R3HDM1: variants seen among roughly 807,000 people sequenced by gnomAD.
The protein encoded by R3HDM1 is R3H domain containing 1, also known as R3H domain-containing protein 1.
A neutral mutation model predicts 141.1 loss-of-function variants in R3HDM1; 46 were observed. The observed-to-expected ratio is 0.33, with a 90% CI of 0.26 to 0.42. R3HDM1 has a LOEUF of 0.42. Ranked by LOEUF, R3HDM1 falls within the 10% of genes least tolerant of loss-of-function variation. The pLI, the probability that R3HDM1 is intolerant of heterozygous loss-of-function variation, is 1.00. For synonymous variants in R3HDM1, 435 were observed against 472.9 expected, an observed-to-expected ratio of 0.92 and a Z score of 1.04; for missense variants, 1,184 against 1,368.3, an observed-to-expected ratio of 0.87 and a Z score of 2.12.
chr2:135,552,776 A>C (rs978635013), intron 1 of R3HDM1, among the ~76,000 whole-genome samples: 3 of 152,214 alleles, frequency 2.0e-5, no homozygotes, highest in African/African-American at 7.2e-5. Flanking sequence ...GAGTTGTTAG[A>C]AATTTGTAAT....
intron 14 of R3HDM1, 127 bp from the exon 15 acceptor site, chr2:135,641,409 T>G (rs2063780688): frequency 8.9e-7 from 1 of 1,124,994 alleles, no homozygotes. Flanking sequence ...GACAGTAAAT[T>G]AAAAAGAGCC....
intron 19 of R3HDM1, among the ~76,000 whole-genome samples, chr2:135,663,392 A>G (rs2067019477): frequency 6.6e-6 from 1 of 152,236 alleles, no homozygotes; most frequent in Non-Finnish European, 1.5e-5. Flanking sequence ...CTTATGAGTC[A>G]GTCATAATAT....
chr2:135,684,070 C>G (rs1413905801), intron 21 of R3HDM1, among the ~76,000 whole-genome samples: 1 of 151,600 alleles, frequency 6.6e-6, no homozygotes. Context: ...GAACATATTT[C>G]TTTTGTTTTG....
At chr2:135,692,075 G>C (rs1398014469) in intron 21 of R3HDM1, among the ~76,000 whole-genome samples, 1 of 151,930 alleles carries the variant, frequency 6.6e-6, no homozygotes, top group African/African-American at 2.4e-5. Context: ...ACCACACCTG[G>C]CTAATTTTTG....
At chr2:135,694,766 C>A (rs1362424541) in intron 21 of R3HDM1, among the ~76,000 whole-genome samples, 1 of 152,128 alleles carries the variant, frequency 6.6e-6, no homozygotes, top group Non-Finnish European at 1.5e-5. Context: ...GAGAAGAGAG[C>A]TCTAGAGATC....
Position 135,657,201 on chromosome 2 carries a change from G to A in R3HDM1, c.2029-4069G>A, listed in dbSNP as rs2066021541. 4.0e-5 allele frequency among the ~76,000 whole-genome samples: 6 copies of A among 148,324 alleles called. No individual in the cohort carries two copies. In the South Asian group the frequency reaches 6.5e-4, roughly 16 times the overall value. ...ACGGATCACTTGAGGTCAGGAGTTC[G>A]AAACCAGCCTGGCCAACATGGTGAA... On this transcript the variant is annotated intron_variant, in intron 18 of 26. Coordinates refer to ENST00000683871, the MANE Select transcript of R3HDM1 (RefSeq NM_001378107.1).
At chr2:135,699,442 C>T (rs1366495076) in intron 21 of R3HDM1, among the ~76,000 whole-genome samples, 3 of 152,100 alleles carry the variant, frequency 2.0e-5, no homozygotes, top group African/African-American at 7.2e-5. Context: ...AGAGCCACCA[C>T]AAAAATGGAA....
At chr2:135,627,623 A>T (rs1252523799) in intron 7 of R3HDM1, among the ~76,000 whole-genome samples, 2 of 152,114 alleles carry the variant, frequency 1.3e-5, no homozygotes, top group East Asian at 3.8e-4. Context: ...GATGGTACAG[A>T]TAACTTATAT....
In R3HDM1 at chr2:135,724,470, C is replaced by G; in HGVS notation, c.*178C>G. 1 of 541,258 alleles carries G rather than the reference C, an allele frequency of 1.8e-6. No homozygotes were observed. The highest frequency in any genetic ancestry group is 3.2e-6 in the Non-Finnish European group (1 of 309,082). The allele number at this position is 541,258 out of a possible 1,614,324, so 33.5% of individuals were successfully genotyped here. On this transcript the variant is annotated 3_prime_UTR_variant, in exon 27 of 27. Transcript: ENST00000683871. ...AAGGGGGAAAAATATGCATTTCACC[C>G]CACATGACTAGGAATCCACATCAGA... is the stretch of plus-strand genomic sequence containing the variant.
intron 24 of R3HDM1, among the ~76,000 whole-genome samples, chr2:135,717,737 A>G (rs146402688): frequency 2.0e-5 from 3 of 152,368 alleles, no homozygotes; most frequent in Admixed American, 2.0e-4. Context: ...ATTCTCACAC[A>G]TTGGCGGTAA....
intron 7 of R3HDM1, among the ~76,000 whole-genome samples, chr2:135,629,243 G>A (rs2062386660): frequency 6.6e-6 from 1 of 152,102 alleles, no homozygotes; most frequent in Admixed American, 6.5e-5. Context: ...TTGAACCCGG[G>A]AGGCAGAGGT....
chr2:135,540,820 C>T (rs1455683962), intron 1 of R3HDM1, among the ~76,000 whole-genome samples: 1 of 152,096 alleles, frequency 6.6e-6, no homozygotes, highest in East Asian at 1.9e-4. Flanking sequence ...GGCCATGTAG[C>T]CTTACAAAGT....
chr2:135,549,561 C>CAAAAAAAA (rs1236257586), intron 1 of R3HDM1, among the ~76,000 whole-genome samples: 19 of 67,362 alleles, frequency 2.8e-4, no homozygotes, highest in African/African-American at 8.6e-4. Context: ...AACTCTGCCT[C>CAAAAAAAA]AAAAAAAAAA....
chr2:135,569,521 A>G (rs1285517230), intron 1 of R3HDM1, among the ~76,000 whole-genome samples: 2 of 152,028 alleles, frequency 1.3e-5, no homozygotes, highest in African/African-American at 4.8e-5. Context: ...AATAGGTAGT[A>G]TATCAAAGTA....
intron 17 of R3HDM1, chr2:135,650,760 G>C (rs2065066605): frequency 1.0e-6 from 1 of 982,652 alleles, no homozygotes; most frequent in Non-Finnish European, 1.2e-6. Context: ...TCTCCTTTCA[G>C]TCCTTTATCT....
In R3HDM1 at chr2:135,616,838, T is replaced by C. The variant is rs888064215; in HGVS notation, c.303+81T>C. 5.7e-6 allele frequency: 7 copies of C among 1,222,782 alleles called. No individual in the cohort carries two copies. The Admixed American group carries it at 1.1e-4, about 19-fold the overall frequency. 75.7% of individuals were successfully genotyped at this position (1,222,782 alleles called of 1,614,324 possible). On this transcript the variant is annotated intron_variant, in intron 5 of 26. Coordinates refer to ENST00000683871, the MANE Select transcript of R3HDM1 (RefSeq NM_001378107.1). ...TATATGATTTAAGTTGTGTTTGTTA[T>C]ATTTGTTTTATTTTGACTAAATGAA...
chr2:135,624,031 C>T (rs1007599956), intron 7 of R3HDM1, among the ~76,000 whole-genome samples: 1 of 152,026 alleles, frequency 6.6e-6, no homozygotes, highest in African/African-American at 2.4e-5. Flanking sequence ...TAGAGGATTG[C>T]CAAGGCATAG....
At chr2:135,650,053 G>A (rs777905654) in intron 17 of R3HDM1, 50 bp downstream of exon 17, 3 of 1,170,586 alleles carry the variant, frequency 2.6e-6, no homozygotes, top group South Asian at 3.5e-5. Flanking sequence ...GTGGATGTGT[G>A]ATGAATGCTC....
intron 21 of R3HDM1, among the ~76,000 whole-genome samples, chr2:135,684,461 C>A (rs1027137552): frequency 6.6e-6 from 1 of 152,136 alleles, no homozygotes; most frequent in Non-Finnish European, 1.5e-5. Flanking sequence ...AACTGTTGGA[C>A]TCAATTTTAT....
Sources: gnomAD v4.1 joint callset for allele counts (sites outside exome capture counted in the v4.1 genomes callset) on GRCh38, gnomAD v4.1.1 for gene constraint, MANE v1.5 for transcripts, NCBI Gene and HGNC (gene_info 2026-07-23, HGNC 2026-07-21) for gene names.